NLGN1: variants seen among roughly 807,000 people sequenced by gnomAD.
NLGN1 encodes the protein neuroligin 1.
A neutral mutation model predicts 65.5 loss-of-function variants in NLGN1; 12 were observed. That is an observed-to-expected ratio of 0.18 (90% CI 0.12 to 0.30). The LOEUF is 0.30. NLGN1 is among the 10% of genes least tolerant of loss of function. The probability of loss-of-function intolerance (pLI) is 1.00; values close to 1 mark genes in which losing one functional copy is unlikely to be tolerated. For missense variants in NLGN1, 750 were observed against 1,007.1 expected (o/e 0.74, Z 3.46); for synonymous variants, 350 against 359.5 (o/e 0.97, Z 0.30).
At chr3:174,075,456 G>A (rs1231393066) in intron 4 of NLGN1, among the ~76,000 whole-genome samples, 1 of 151,972 alleles carries the variant, frequency 6.6e-6, no homozygotes, top group Non-Finnish European at 1.5e-5. Context: ...TTGATGAAGC[G>A]GTCCTTTAAA....
At position 174,098,228 on chromosome 3, in the gene NLGN1, C is replaced by T. The variant is rs543490339; in HGVS notation, c.647-177087C>T. Among the ~76,000 whole-genome samples the T allele has an allele frequency of 2.6e-5, 4 of 152,288 alleles. No homozygotes were observed. In the South Asian group the frequency reaches 8.3e-4, roughly 32 times the overall value. ...TTGAGAGTTTCATTTGCCTCCCGAA[C>T]ATTTTTCCTTCAATTGTGGCTGTGC... On this transcript the variant is annotated intron_variant, in intron 4 of 6. Transcript: ENST00000457714.
chr3:174,110,002 T>C (rs901503847), intron 4 of NLGN1, among the ~76,000 whole-genome samples: 1 of 152,084 alleles, frequency 6.6e-6, no homozygotes, highest in African/African-American at 2.4e-5. Flanking sequence ...ACCATCTTTG[T>C]TGAATTGTGT....
At chr3:173,520,505 G>T (rs980351842) in intron 2 of NLGN1, among the ~76,000 whole-genome samples, 3 of 152,200 alleles carry the variant, frequency 2.0e-5, no homozygotes. Flanking sequence ...TGAGAATATG[G>T]AAAGGGCATT....
At chr3:173,977,301 G>A (rs1468980918) in intron 4 of NLGN1, among the ~76,000 whole-genome samples, 1 of 151,888 alleles carries the variant, frequency 6.6e-6, no homozygotes, top group African/African-American at 2.4e-5. Flanking sequence ...GCAAATAGGA[G>A]GGGGAAACAT....
intron 4 of NLGN1, among the ~76,000 whole-genome samples, chr3:174,068,360 A>G (rs1739113618): frequency 6.6e-6 from 1 of 152,084 alleles, no homozygotes; most frequent in Non-Finnish European, 1.5e-5. Context: ...ACCTCTATGC[A>G]TCTCCTTTCT....
At chr3:174,031,374 C>G (rs1183656205) in intron 4 of NLGN1, among the ~76,000 whole-genome samples, 1 of 152,202 alleles carries the variant, frequency 6.6e-6, no homozygotes, top group African/African-American at 2.4e-5. Context: ...TGGCAAGCCT[C>G]ATCCACTGAG....
chr3:173,930,753 AATT>A (rs1369704847), intron 4 of NLGN1, among the ~76,000 whole-genome samples: 1 of 152,132 alleles, frequency 6.6e-6, no homozygotes, highest in Admixed American at 6.5e-5. Flanking sequence ...AACACCCTAT[AATT>A]ATGTGAATTA....
At chr3:173,626,183 T>C (rs1305347951) in intron 3 of NLGN1, among the ~76,000 whole-genome samples, 2 of 152,028 alleles carry the variant, frequency 1.3e-5, no homozygotes, top group East Asian at 3.9e-4. Context: ...GAGAAACTAA[T>C]TTGATTTAAT....
At chr3:173,728,356 C>T (rs1219910802) in intron 3 of NLGN1, among the ~76,000 whole-genome samples, 1 of 152,030 alleles carries the variant, frequency 6.6e-6, no homozygotes, top group Non-Finnish European at 1.5e-5. Flanking sequence ...GTTCACACTA[C>T]CAGTCTAGGT....
chr3:173,697,090 C>T (rs1440710597), intron 3 of NLGN1, among the ~76,000 whole-genome samples: 2 of 152,154 alleles, frequency 1.3e-5, no homozygotes, highest in African/African-American at 2.4e-5. Flanking sequence ...AGTAGTATTG[C>T]CACATTAGCT....
chr3:173,886,412 C>T (rs1734341217), intron 4 of NLGN1, among the ~76,000 whole-genome samples: 1 of 151,966 alleles, frequency 6.6e-6, no homozygotes, highest in Non-Finnish European at 1.5e-5. Context: ...AGCAAATGTG[C>T]TTCTTTAGCT....
chr3:174,265,720 AT>A (rs1291005762), intron 4 of NLGN1, among the ~76,000 whole-genome samples: 1 of 148,762 alleles, frequency 6.7e-6, no homozygotes, highest in African/African-American at 2.5e-5. Context: ...AAATTTGTTT[AT>A]TGTATAACAA....
intron 2 of NLGN1, among the ~76,000 whole-genome samples, chr3:173,506,523 A>G (rs1256209148): frequency 1.3e-5 from 2 of 152,056 alleles, no homozygotes; most frequent in Admixed American, 6.6e-5. Context: ...CAAATATTTC[A>G]TATCATTTTA....
At chr3:173,636,750 A>G (rs754641325) in intron 3 of NLGN1, among the ~76,000 whole-genome samples, 5 of 152,152 alleles carry the variant, frequency 3.3e-5, no homozygotes, top group Admixed American at 6.6e-5. Flanking sequence ...ATCTTGTATA[A>G]AGATAGATTA....
At chr3:174,073,707 C>T (rs982349312) in intron 4 of NLGN1, among the ~76,000 whole-genome samples, 9 of 152,066 alleles carry the variant, frequency 5.9e-5, no homozygotes, top group African/African-American at 1.2e-4. Context: ...GATTAATTGC[C>T]GGTGATATCA....
intron 4 of NLGN1, among the ~76,000 whole-genome samples, chr3:174,133,636 G>T (rs1013031260): frequency 3.3e-5 from 5 of 152,062 alleles, no homozygotes; most frequent in African/African-American, 1.2e-4. Context: ...AGAGCTCCTT[G>T]TCTAGTTTCC....
intron 2 of NLGN1, among the ~76,000 whole-genome samples, chr3:173,483,512 A>C (rs1323718180): frequency 2.0e-5 from 3 of 152,136 alleles, no homozygotes; most frequent in African/African-American, 7.2e-5. Flanking sequence ...TCATTCAAAC[A>C]TACCAGATGT....
intron 4 of NLGN1, among the ~76,000 whole-genome samples, chr3:174,270,125 C>CTTTTTTTT (rs10547985): frequency 2.5e-5 from 3 of 120,086 alleles, no homozygotes; most frequent in African/African-American, 9.2e-5. Flanking sequence ...GGTTTCCTTT[C>CTTTTTTTT]TTTTTTTTTT....
At chr3:173,847,908 G>T (rs989205978) in intron 4 of NLGN1, among the ~76,000 whole-genome samples, 1 of 152,082 alleles carries the variant, frequency 6.6e-6, no homozygotes, top group African/African-American at 2.4e-5. Context: ...AATTAAAATA[G>T]AATGTACTAT....
Sources: allele counts gnomAD v4.1 joint callset (sites outside exome capture counted in the v4.1 genomes callset), GRCh38; gene constraint gnomAD v4.1.1; transcripts MANE v1.5; gene names NCBI Gene and HGNC (gene_info 2026-07-23, HGNC 2026-07-21).